Variants in UBAP2 observed in about 807,000 individuals in gnomAD.
UBAP2 encodes ubiquitin-associated protein 2.
In UBAP2, 75 loss-of-function variants were observed where a neutral mutation model predicts 139.6. That is an observed-to-expected ratio of 0.54 (90% CI 0.45 to 0.65). UBAP2 has a LOEUF of 0.65. UBAP2 is among the 30% of genes least tolerant of loss of function. The pLI is 0.00. For synonymous variants in UBAP2, 526 were observed against 526.2 expected (o/e 1.00, Z 0.01); for missense variants, 1,368 against 1,369.6 (o/e 1.00, Z 0.02).
chr9:33,937,390 T>C (rs1432497812), intron 16 of UBAP2, among the ~76,000 whole-genome samples: 1 of 151,944 alleles, frequency 6.6e-6, no homozygotes, highest in East Asian at 1.9e-4. Flanking sequence ...ACGTATCATT[T>C]GAGGTCAGGA....
At position 33,922,973 on chromosome 9, in the gene UBAP2, T is replaced by C; in HGVS notation, c.3065A>G (p.Lys1022Arg). 6.2e-7 allele frequency: 1 copy of C among 1,614,122 alleles called. No homozygotes were observed. Among genetic ancestry groups the C allele is most frequent in the Non-Finnish European group, 8.5e-7 (1 of 1,180,006 alleles). Residue 1022 changes from lysine to arginine, a missense_variant, in exon 27 of 29, where the codon AAG becomes AGG. Coordinates refer to ENST00000379238, the MANE Select transcript of UBAP2 (RefSeq NM_001370062.2). ...CCCACCTTTGTCCCTCACCTGTGTC[T>C]TATTGTAGACAGAACCAGTCATATC... ...LPDMTGSVYN[K>R]TQTFDKQGFH...
rs534549028 is a variant in UBAP2 at position 33,922,450 on chromosome 9, T to C, written c.*54A>G. 4 of 1,555,318 alleles carry C rather than the reference T, an allele frequency of 2.6e-6. No individual in the cohort carries two copies. The highest frequency in any genetic ancestry group is 2.3e-5 in the South Asian group (2 of 86,568). On this transcript the variant is annotated 3_prime_UTR_variant, in exon 29 of 29. Transcript: ENST00000379238. ...CTGGGCTCCCAAATACGTGCTCGTGTGTTCTCTCCTGCCCAGGATAAGCCT... is the reference window on the plus strand; with the variant it reads ...CTGGGCTCCCAAATACGTGCTCGTGCGTTCTCTCCTGCCCAGGATAAGCCT...
chr9:34,009,942 G>A (rs1299358346), intron 2 of UBAP2, among the ~76,000 whole-genome samples: 2 of 150,764 alleles, frequency 1.3e-5, no homozygotes, highest in Non-Finnish European at 3.0e-5. Context: ...CAAGTAGCTG[G>A]GATTACAGGC....
chr9:34,020,856 G>A (rs751755874), intron 1 of UBAP2, among the ~76,000 whole-genome samples: 35 of 151,402 alleles, frequency 2.3e-4, no homozygotes, highest in Non-Finnish European at 3.8e-4. Context: ...TAGAGACGGG[G>A]TTTCACCGTG....
At chr9:34,043,859 G>C (rs1827315718) in intron 1 of UBAP2, among the ~76,000 whole-genome samples, 1 of 150,924 alleles carries the variant, frequency 6.6e-6, no homozygotes, top group African/African-American at 2.4e-5. Flanking sequence ...CAGGCACAGT[G>C]GTCCACAACT....
intron 11 of UBAP2, among the ~76,000 whole-genome samples, chr9:33,954,271 C>T (rs950853868): frequency 7.0e-6 from 1 of 143,102 alleles, no homozygotes; most frequent in African/African-American, 2.6e-5. Context: ...TGTGTATATA[C>T]ACACACACAC....
chr9:33,986,160 C>T (rs1429940855), intron 6 of UBAP2, among the ~76,000 whole-genome samples: 1 of 152,024 alleles, frequency 6.6e-6, no homozygotes, highest in Non-Finnish European at 1.5e-5. Context: ...CCAAGCAATT[C>T]TCCTGCCTTA....
chr9:34,036,308 G>A (rs1388408390), intron 1 of UBAP2, among the ~76,000 whole-genome samples: 1 of 151,788 alleles, frequency 6.6e-6, no homozygotes, highest in Non-Finnish European at 1.5e-5. Context: ...ATAGAGATGG[G>A]GTTTCTCCAT....
At chr9:34,019,225 A>C (rs1407397498) in intron 1 of UBAP2, among the ~76,000 whole-genome samples, 1 of 152,110 alleles carries the variant, frequency 6.6e-6, no homozygotes, top group Non-Finnish European at 1.5e-5. Flanking sequence ...CAACATGGTG[A>C]AACCCCGTCT....
At chr9:33,970,903 A>C (rs1827866764) in intron 8 of UBAP2, among the ~76,000 whole-genome samples, 1 of 152,178 alleles carries the variant, frequency 6.6e-6, no homozygotes, top group South Asian at 2.1e-4. Flanking sequence ...CCTGGGTTCA[A>C]GCGATTCTCC....
At chr9:33,994,567 T>C (rs1263688448) in intron 4 of UBAP2, 1 of 151,136 alleles carries the variant, frequency 6.6e-6, no homozygotes, top group Non-Finnish European at 1.5e-5. Context: ...AGCGATAAGG[T>C]AAACAGATCC....
At chr9:33,967,645 G>C (rs889642054) in intron 8 of UBAP2, among the ~76,000 whole-genome samples, 35 of 152,138 alleles carry the variant, frequency 2.3e-4, no homozygotes, top group Non-Finnish European at 1.0e-4. Flanking sequence ...AGGTAAAGCT[G>C]ATCAGCCATC....
intron 10 of UBAP2, among the ~76,000 whole-genome samples, chr9:33,958,498 C>G (rs1448207228): frequency 2.0e-5 from 3 of 151,646 alleles, no homozygotes; most frequent in African/African-American, 7.3e-5. Context: ...GCAAGTGCCT[C>G]CCGGGTTCAA....
chr9:33,998,889 G>T, intron 2 of UBAP2, 25 bp from the exon 3 acceptor site: 1 of 1,593,204 alleles, frequency 6.3e-7, no homozygotes, highest in Non-Finnish European at 8.5e-7. Context: ...CAATTGTTAA[G>T]GATTTGAACA....
chr9:34,038,148 A>G (rs1159162834), intron 1 of UBAP2, among the ~76,000 whole-genome samples: 160 of 4,560 alleles, frequency 0.035, 2 homozygotes, highest in East Asian at 0.33. Flanking sequence ...CCTGGGAAAA[A>G]AAAAAAAAAA....
intron 1 of UBAP2, among the ~76,000 whole-genome samples, chr9:34,025,413 C>A (rs1015272757): frequency 1.4e-4 from 21 of 152,162 alleles, no homozygotes; most frequent in African/African-American, 4.3e-4. Context: ...ATCTCAAGTT[C>A]TTGAGGGGCA....
intron 22 of UBAP2, 80 bp downstream of exon 22, chr9:33,926,537 T>C (rs1461777143): frequency 6.7e-7 from 1 of 1,491,580 alleles, no homozygotes; most frequent in Non-Finnish European, 9.4e-7. Flanking sequence ...GGCCAGAGAG[T>C]GTGGCAGCCA....
intron 15 of UBAP2, 53 bp from the exon 16 acceptor site, chr9:33,941,915 T>TAAAA: frequency 1.7e-5 from 17 of 999,174 alleles, no homozygotes; most frequent in Non-Finnish European, 1.9e-5. Context: ...AATAGCTTCA[T>TAAAA]AAAAAAAAAA....
At chr9:33,949,085 T>C (rs1378809481) in intron 12 of UBAP2, 1 of 154,642 alleles carries the variant, frequency 6.5e-6, no homozygotes, top group Non-Finnish European at 1.4e-5. Flanking sequence ...GAGAATGGCA[T>C]GAACCCAGGA....
Sources: allele counts gnomAD v4.1 joint callset (sites outside exome capture counted in the v4.1 genomes callset), GRCh38; gene constraint gnomAD v4.1.1; transcripts MANE v1.5; gene names NCBI Gene and HGNC (gene_info 2026-07-23, HGNC 2026-07-21).